SEC22C: variants seen among roughly 807,000 people sequenced by gnomAD.
SEC22C encodes vesicle-trafficking protein SEC22c.
In SEC22C, 29 loss-of-function variants were observed where a neutral mutation model predicts 34.7. That is an observed-to-expected ratio of 0.84 (90% CI 0.62 to 1.14). SEC22C has a LOEUF of 1.14. Among genes scored for constraint, SEC22C ranks in the 50% most tolerant of loss-of-function variants. The pLI is 0.00. For missense variants in SEC22C, 337 were observed against 369.0 expected, an observed-to-expected ratio of 0.91 and a Z score of 0.71; for synonymous variants, 117 against 132.8, an observed-to-expected ratio of 0.88 and a Z score of 0.82.
chr3:42,553,414 G>T lies in SEC22C; in HGVS notation c.746C>A (p.Thr249Asn), dbSNP rs183094094. The change falls in exon 7 of 7, where the codon ACT becomes AAT. Residue 249 changes from threonine (T) to asparagine (N), a missense_variant. Transcript: ENST00000264454. ...YLYLFYSPAR[T>N]MKVVLMLLFI... The stretch of plus-strand genomic sequence containing the variant: ...GAGCAGCATAAGCACCACCTTCATA[G>T]TCCTGGCTGGACTGTAGAACAGGTA... 3 of 1,614,094 alleles carry T rather than the reference G, an allele frequency of 1.9e-6. No homozygotes were observed. In the East Asian group the frequency reaches 6.7e-5, roughly 36 times the overall value.
Position 42,559,349 on chromosome 3 carries a change from G to A in SEC22C, c.527-1653C>T, listed in dbSNP as rs568452558. Among the ~76,000 whole-genome samples, 24 of 152,304 alleles carry A rather than the reference G, an allele frequency of 1.6e-4. 1 individual carries two copies. The highest frequency in any genetic ancestry group is 1.2e-3 in the South Asian group (6 of 4,820). ...TCACAGTAAAATGTCCTAGAAAGAC[G>A]GGCAAGGTGACACTTTCTGGATTTG... On this transcript the variant is annotated intron_variant, in intron 4 of 6. Transcript: ENST00000264454.
chr3:42,575,217 C>A (rs987797306), intron 1 of SEC22C, among the ~76,000 whole-genome samples: 1 of 152,072 alleles, frequency 6.6e-6, no homozygotes, highest in African/African-American at 2.4e-5. Context: ...AGAGAAATAA[C>A]AACAATGGCA....
At position 42,549,425 on chromosome 3, in the gene SEC22C, G is replaced by A. The variant is rs558392129; in HGVS notation, c.*3823C>T. On this transcript the variant is annotated 3_prime_UTR_variant, in exon 7 of 7. Coordinates refer to ENST00000264454, the MANE Select transcript of SEC22C (RefSeq NM_032970.4). ...AGTGTGCAACCCCCATATGCCAAGG[G>A]GCAGCTGCTATCTTCCAGCAGAGAG... 3.0e-6 allele frequency: 3 copies of A among 985,552 alleles called. No individual in the cohort carries two copies. The highest frequency in any genetic ancestry group is 3.6e-6 in the Non-Finnish European group (3 of 830,050). The allele number at this position is 985,552 out of a possible 1,614,324, so 61.1% of individuals were successfully genotyped here.
At position 42,552,994 on chromosome 3, in the gene SEC22C, C is replaced by A; in HGVS notation, c.*254G>T. ...AATAAAGCTCTTTCTGGATGAGCCC[C>A]CAGATCCAGCTGTCCTAGGTAAACG... On this transcript the variant is annotated 3_prime_UTR_variant, in exon 7 of 7. Transcript: ENST00000264454. 4.6e-6 allele frequency: 6 copies of A among 1,291,420 alleles called. No homozygotes were observed. In the South Asian group the frequency reaches 1.2e-4, roughly 27 times the overall value. 80.0% of individuals were successfully genotyped at this position (1,291,420 alleles called of 1,614,324 possible).
intron 1 of SEC22C, among the ~76,000 whole-genome samples, chr3:42,575,673 C>G (rs1001355636): frequency 1.3e-5 from 2 of 152,166 alleles, no homozygotes; most frequent in Non-Finnish European, 1.5e-5. Context: ...ATAGTTATAG[C>G]TGGAGACTTC....
chr3:42,576,849 G>A (rs991191827), intron 1 of SEC22C, among the ~76,000 whole-genome samples: 1 of 151,894 alleles, frequency 6.6e-6, no homozygotes, highest in Non-Finnish European at 1.5e-5. Flanking sequence ...GAATAAAATA[G>A]GAAAAACCAT....
At chr3:42,584,144 G>T (rs1024208132), upstream of SEC22C, among the ~76,000 whole-genome samples, 1 of 152,082 alleles carries the variant, frequency 6.6e-6, no homozygotes, top group Non-Finnish European at 1.5e-5. Context: ...GATCTATATT[G>T]TAGATATATA....
chr3:42,565,594 T>C (rs998784718), intron 2 of SEC22C, among the ~76,000 whole-genome samples: 2 of 152,122 alleles, frequency 1.3e-5, no homozygotes, highest in African/African-American at 2.4e-5. Flanking sequence ...TATCCTTATA[T>C]GAAAGGAAAT....
chr3:42,576,251 G>A (rs1284052106), intron 1 of SEC22C, among the ~76,000 whole-genome samples: 1 of 151,806 alleles, frequency 6.6e-6, no homozygotes, highest in Non-Finnish European at 1.5e-5. Context: ...CATTCCAAAA[G>A]AAGAAAAGTC....
chr3:42,564,927 T>C (rs1475853919), intron 2 of SEC22C, among the ~76,000 whole-genome samples: 1 of 152,056 alleles, frequency 6.6e-6, no homozygotes, highest in Non-Finnish European at 1.5e-5. Context: ...CTGGCTAATT[T>C]TCGTGTTTTT....
chr3:42,597,510 C>T (rs182587407), intron 1 of SEC22C, among the ~76,000 whole-genome samples: 5 of 150,536 alleles, frequency 3.3e-5, no homozygotes, highest in African/African-American at 7.4e-5. Context: ...GAGCCAAGAT[C>T]GTGCCACTGC....
chr3:42,593,897 A>T (rs1201320730), intron 1 of SEC22C, among the ~76,000 whole-genome samples: 1 of 152,160 alleles, frequency 6.6e-6, no homozygotes, highest in Non-Finnish European at 1.5e-5. Flanking sequence ...AAAGCCCCCT[A>T]GTAGGAGTGT....
At chr3:42,561,000 A>G in intron 4 of SEC22C, 117 bp downstream of exon 4, 2 of 1,028,240 alleles carry the variant, frequency 1.9e-6, no homozygotes, top group Non-Finnish European at 1.4e-6. Context: ...TTTTCTCAGC[A>G]TATTTTATAC....
chr3:42,569,743 T>C (rs1470358307), intron 1 of SEC22C, among the ~76,000 whole-genome samples: 1 of 152,190 alleles, frequency 6.6e-6, no homozygotes, highest in Non-Finnish European at 1.5e-5. Flanking sequence ...ATTTAGCAAA[T>C]CATATTACAG....
At chr3:42,593,373 C>A (rs1406162469) in intron 1 of SEC22C, among the ~76,000 whole-genome samples, 4 of 152,160 alleles carry the variant, frequency 2.6e-5, no homozygotes, top group African/African-American at 9.7e-5. Flanking sequence ...GCCAAGATCA[C>A]GCCACTGCAC....
chr3:42,600,331 A>G (rs980929246), intron 1 of SEC22C: 2 of 152,198 alleles, frequency 1.3e-5, no homozygotes, highest in African/African-American at 4.8e-5. Context: ...TCAAAGCCTC[A>G]ATTCACTCAG....
At chr3:42,588,499 A>G (rs532778694) in intron 1 of SEC22C, among the ~76,000 whole-genome samples, 20 of 152,330 alleles carry the variant, frequency 1.3e-4, no homozygotes, top group African/African-American at 4.8e-4. Context: ...CATAAAGCCT[A>G]CAGGTAAGAT....
intron 1 of SEC22C, among the ~76,000 whole-genome samples, chr3:42,578,291 TGCTTGGTTATAAAAA>T (rs939566361): frequency 6.6e-6 from 1 of 152,256 alleles, no homozygotes; most frequent in Non-Finnish European, 1.5e-5. Flanking sequence ...AAGTGCATTA[TGCTTGGTTATAAAAA>T]GCCCGTATCA....
chr3:42,556,277 GTTA>G (rs1702523270), intron 5 of SEC22C, among the ~76,000 whole-genome samples: 1 of 152,198 alleles, frequency 6.6e-6, no homozygotes, highest in Non-Finnish European at 1.5e-5. Context: ...CTAAGCATCT[GTTA>G]AGACCTAGCT....
Sources: gnomAD v4.1 joint callset for allele counts (sites outside exome capture counted in the v4.1 genomes callset) on GRCh38, gnomAD v4.1.1 for gene constraint, MANE v1.5 for transcripts, NCBI Gene and HGNC (gene_info 2026-07-23, HGNC 2026-07-21) for gene names.